Variants in FILIP1 observed in about 807,000 individuals in gnomAD.
FILIP1 encodes the protein filamin A interacting protein 1.
A neutral mutation model predicts 102.1 loss-of-function variants in FILIP1; 61 were observed. That is an observed-to-expected ratio of 0.60 (90% CI 0.49 to 0.74). The LOEUF (loss-of-function observed/expected upper bound fraction) is 0.74. Among genes scored for constraint, FILIP1 ranks in the 30% least tolerant of loss-of-function variants. The pLI, the probability that FILIP1 is intolerant of heterozygous loss-of-function variation, is 0.00. For missense variants in FILIP1, 1,314 were observed against 1,441.2 expected (o/e 0.91, Z 1.43); for synonymous variants, 491 against 526.9 (o/e 0.93, Z 0.93).
chr6:75,428,770 A>C (rs1261485339), intron 1 of FILIP1, among the ~76,000 whole-genome samples: 1 of 152,218 alleles, frequency 6.6e-6, no homozygotes, highest in Non-Finnish European at 1.5e-5. Flanking sequence ...TGTGGATTAC[A>C]AAATGATGCC....
intron 3 of FILIP1, among the ~76,000 whole-genome samples, chr6:75,359,285 C>A (rs2149608884): frequency 6.6e-6 from 1 of 152,284 alleles, no homozygotes; most frequent in Non-Finnish European, 1.5e-5. Flanking sequence ...GGATTACAGG[C>A]ATGAGCCACC....
intron 1 of FILIP1, among the ~76,000 whole-genome samples, chr6:75,434,942 A>G (rs1258414605): frequency 1.3e-5 from 2 of 152,348 alleles, no homozygotes; most frequent in Non-Finnish European, 1.5e-5. Context: ...TAATGAGATA[A>G]TCATGCGGGT....
At chr6:75,350,329 G>T (rs1040420456) in intron 4 of FILIP1, among the ~76,000 whole-genome samples, 4 of 151,644 alleles carry the variant, frequency 2.6e-5, no homozygotes, top group African/African-American at 9.7e-5. Context: ...TCTAAAACGT[G>T]AAAGTTTGGT....
intron 1 of FILIP1, among the ~76,000 whole-genome samples, chr6:75,431,175 G>C (rs1267176988): frequency 6.6e-6 from 1 of 152,190 alleles, no homozygotes; most frequent in Non-Finnish European, 1.5e-5. Flanking sequence ...GAGGGCAGAG[G>C]AAGGTCAAGG....
intron 4 of FILIP1, among the ~76,000 whole-genome samples, chr6:75,351,127 C>T (rs938857669): frequency 3.3e-5 from 5 of 151,942 alleles, no homozygotes; most frequent in Non-Finnish European, 7.4e-5. Flanking sequence ...AGTGCAATGA[C>T]GCGATCTTGG....
chr6:75,328,828 T>C (rs1773966323), intron 4 of FILIP1, among the ~76,000 whole-genome samples: 1 of 152,020 alleles, frequency 6.6e-6, no homozygotes, highest in Non-Finnish European at 1.5e-5. Flanking sequence ...AATATTTAGC[T>C]CGCCCCTCTC....
chr6:75,356,814 A>G (rs971660909), intron 3 of FILIP1, among the ~76,000 whole-genome samples: 1 of 152,194 alleles, frequency 6.6e-6, no homozygotes, highest in Non-Finnish European at 1.5e-5. Context: ...AGGTTTTCCC[A>G]TTGTAATAGC....
At chr6:75,437,248 C>T (rs1342868925) in intron 1 of FILIP1, among the ~76,000 whole-genome samples, 1 of 152,112 alleles carries the variant, frequency 6.6e-6, no homozygotes, top group Non-Finnish European at 1.5e-5. Flanking sequence ...AGGAAAAAAT[C>T]AGAAGGAAAT....
At chr6:75,329,375 T>C (rs1004092476) in intron 4 of FILIP1, among the ~76,000 whole-genome samples, 1 of 152,238 alleles carries the variant, frequency 6.6e-6, no homozygotes, top group African/African-American at 2.4e-5. Flanking sequence ...AGTTGTCTCT[T>C]TGACTCCTTA....
intron 1 of FILIP1, among the ~76,000 whole-genome samples, chr6:75,463,779 G>T (rs1433547491): frequency 6.6e-6 from 1 of 152,128 alleles, no homozygotes; most frequent in Non-Finnish European, 1.5e-5. Flanking sequence ...TTCATGACCA[G>T]CTCAGAGTCA....
chr6:75,381,959 T>C (rs944319102), intron 2 of FILIP1, among the ~76,000 whole-genome samples: 2 of 152,226 alleles, frequency 1.3e-5, no homozygotes, highest in African/African-American at 4.8e-5. Flanking sequence ...TATATGTTGC[T>C]ATAGGTGTTA....
Position 75,347,312 on chromosome 6 carries a change from A to T in FILIP1, c.629+6227T>A, listed in dbSNP as rs78489728. Among the ~76,000 whole-genome samples the T allele has an allele frequency of 4.3e-3, 659 of 152,348 alleles. 1 individual carries two copies. The highest frequency in any genetic ancestry group is 0.01 in the Middle Eastern group (3 of 294). ...TTACATATCTTATAGTTTTGTAAGGATTAAACAAGATGGTACATGTGTCTA... is the reference window on the plus strand; with the variant it reads ...TTACATATCTTATAGTTTTGTAAGGTTTAAACAAGATGGTACATGTGTCTA... On this transcript the variant is annotated intron_variant, in intron 4 of 5. Coordinates refer to ENST00000237172, the MANE Select transcript of FILIP1 (RefSeq NM_015687.5).
chr6:75,328,168 T>C (rs1773938465), intron 4 of FILIP1, among the ~76,000 whole-genome samples: 1 of 152,236 alleles, frequency 6.6e-6, no homozygotes, highest in Admixed American at 6.5e-5. Flanking sequence ...TGGATTCTTA[T>C]TCAAACTGCT....
chr6:75,454,948 A>C (rs1778774759), intron 1 of FILIP1: 1 of 152,164 alleles, frequency 6.6e-6, no homozygotes, highest in Admixed American at 6.5e-5. Flanking sequence ...ATAACACCCA[A>C]AATTATGTAA....
exon 7 of FILIP1, chr6:75,292,983 C>G (rs1177582434): frequency 6.6e-6 from 1 of 152,138 alleles, no homozygotes; most frequent in South Asian, 2.1e-4. Context: ...TCCTAAGATA[C>G]AATGAATTCT....
At chr6:75,420,632 T>C (rs1243797098) in intron 1 of FILIP1, among the ~76,000 whole-genome samples, 1 of 152,142 alleles carries the variant, frequency 6.6e-6, no homozygotes, top group African/African-American at 2.4e-5. Context: ...ACAAATTATG[T>C]CTGGTATATT....
exon 7 of FILIP1, chr6:75,294,863 C>CTTTTTTTTTT (rs11299703): frequency 3.3e-5 from 3 of 90,566 alleles, no homozygotes; most frequent in East Asian, 3.6e-4. Flanking sequence ...CAGCTAACTT[C>CTTTTTTTTTT]TTTTTTTTTT....
At chr6:75,312,308 G>A in intron 5 of FILIP1, 89 bp downstream of exon 5, 1 of 1,276,532 alleles carries the variant, frequency 7.8e-7, no homozygotes, top group Non-Finnish European at 1.1e-6. Context: ...AGAAGCATGT[G>A]GCTGGGTTTT....
chr6:75,316,702 C>T (rs1250836150), intron 4 of FILIP1, among the ~76,000 whole-genome samples: 1 of 152,000 alleles, frequency 6.6e-6, no homozygotes, highest in Non-Finnish European at 1.5e-5. Context: ...CTAATGCATA[C>T]CCTCCAAAAA....
Sources: allele counts gnomAD v4.1 joint callset (sites outside exome capture counted in the v4.1 genomes callset), GRCh38; gene constraint gnomAD v4.1.1; transcripts MANE v1.5; gene names NCBI Gene and HGNC (gene_info 2026-07-23, HGNC 2026-07-21).